PCDH9: variants seen among roughly 807,000 people sequenced by gnomAD.
PCDH9 encodes the protein protocadherin-9.
In PCDH9, 24 loss-of-function variants were observed where a neutral mutation model predicts 70.6. The ratio of observed to expected loss-of-function variants is 0.34; its 90% CI spans 0.25 to 0.48. The LOEUF (loss-of-function observed/expected upper bound fraction) is 0.48, where lower values mean the gene tolerates loss of function less well. Among genes scored for constraint, PCDH9 ranks in the 20% least tolerant of loss-of-function variants. PCDH9 has a pLI of 0.99. For missense variants in PCDH9, 1,281 were observed against 1,503.6 expected (o/e 0.85, Z 2.45); for synonymous variants, 562 against 558.5 (o/e 1.01, Z -0.09).
intron 3 of PCDH9, among the ~76,000 whole-genome samples, chr13:66,778,131 G>T (rs191466811): frequency 0.014 from 1,859 of 132,534 alleles, 56 homozygotes; most frequent in African/African-American, 0.05. Context: ...GGGGACTGTT[G>T]TGGGGTGGGG....
chr13:66,725,004 A>T (rs2181532), intron 3 of PCDH9, among the ~76,000 whole-genome samples: 19,765 of 152,196 alleles, frequency 0.13, 1,403 homozygotes, highest in African/African-American at 0.18. Context: ...TCTCTAGCCC[A>T]TAATTCTCTC....
intron 2 of PCDH9, among the ~76,000 whole-genome samples, chr13:67,014,992 A>G (rs1171702934): frequency 6.6e-6 from 1 of 152,120 alleles, no homozygotes; most frequent in Non-Finnish European, 1.5e-5. Flanking sequence ...TGTCAATTCC[A>G]AAGATCAATT....
chr13:67,071,637 TC>T (rs2085765089), intron 2 of PCDH9, among the ~76,000 whole-genome samples: 2 of 152,066 alleles, frequency 1.3e-5, no homozygotes, highest in Admixed American at 6.6e-5. Context: ...ATACCTGTAA[TC>T]CCAGCACTTT....
chr13:66,350,497 T>A (rs545685977), intron 4 of PCDH9, among the ~76,000 whole-genome samples: 11 of 152,268 alleles, frequency 7.2e-5, no homozygotes, highest in African/African-American at 2.6e-4. Flanking sequence ...TCTTCAGCCC[T>A]CTTGTCTTCT....
At chr13:66,446,301 A>G (rs1440636509) in intron 4 of PCDH9, among the ~76,000 whole-genome samples, 6 of 152,016 alleles carry the variant, frequency 3.9e-5, no homozygotes, top group Admixed American at 3.9e-4. Flanking sequence ...CTTATTTTAA[A>G]GGCAAAATCC....
intron 3 of PCDH9, among the ~76,000 whole-genome samples, chr13:66,843,426 A>C (rs1321904031): frequency 3.3e-5 from 5 of 152,158 alleles, no homozygotes; most frequent in African/African-American, 1.2e-4. Flanking sequence ...ACACAGTCTA[A>C]ACTTATTAAA....
chr13:66,601,530 C>G (rs188299528), intron 4 of PCDH9, among the ~76,000 whole-genome samples: 1 of 146,396 alleles, frequency 6.8e-6, no homozygotes. Context: ...TCAGGCCACA[C>G]ATCTATTGGA....
At chr13:67,216,693 T>TATATATATATATATATATGG (rs1555321542) in intron 2 of PCDH9, 1 of 141,098 alleles carries the variant, frequency 7.1e-6, no homozygotes, top group Non-Finnish European at 1.6e-5. Flanking sequence ...CATATATATA[T>TATATATATATATATATATGG]ATATATATAT....
intron 4 of PCDH9, among the ~76,000 whole-genome samples, chr13:66,548,232 T>A (rs1420389215): frequency 6.6e-6 from 1 of 152,098 alleles, no homozygotes; most frequent in Admixed American, 6.6e-5. Flanking sequence ...GTAAAAAATT[T>A]AAGTGCAAAT....
chr13:66,686,350 C>T (rs991216666), intron 3 of PCDH9, among the ~76,000 whole-genome samples: 7 of 152,176 alleles, frequency 4.6e-5, no homozygotes, highest in East Asian at 1.9e-4. Context: ...TGTTTGCTTC[C>T]CCTTCAGCCA....
rs1200965752 is a variant in PCDH9 at position 66,326,877 on chromosome 13, C to A, written c.3341-21849G>T. 7.3e-3 allele frequency among the ~76,000 whole-genome samples: 1,117 copies of A among 152,236 alleles called. 8 individuals are homozygous for A. Among genetic ancestry groups the A allele is most frequent in the African/African-American group, 0.025 (1,047 of 41,522 alleles). ...CATACAAAACAAAATGCCTCTTCTTCCCCACCCAACTTAAGCACAATGGCT... is the reference window on the plus strand; with the variant it reads ...CATACAAAACAAAATGCCTCTTCTTACCCACCCAACTTAAGCACAATGGCT... On this transcript the variant is annotated intron_variant, in intron 4 of 4. Transcript: ENST00000377865.
At chr13:66,655,856 C>T (rs192484233) in intron 3 of PCDH9, among the ~76,000 whole-genome samples, 60 of 152,066 alleles carry the variant, frequency 3.9e-4, no homozygotes, top group Middle Eastern at 3.4e-3. Context: ...CTTTATTTTC[C>T]GCTGTTCTAG....
At chr13:66,686,311 A>T (rs9571622) in intron 3 of PCDH9, among the ~76,000 whole-genome samples, 48,730 of 151,872 alleles carry the variant, frequency 0.32, 8,564 homozygotes, top group East Asian at 0.51. Context: ...CTTGGCACTT[A>T]TCTTTCCTGC....
intron 3 of PCDH9, among the ~76,000 whole-genome samples, chr13:66,666,326 A>C (rs1315606860): frequency 6.6e-6 from 1 of 152,214 alleles, no homozygotes; most frequent in African/African-American, 2.4e-5. Context: ...TGCCCGGGCC[A>C]GATGGCATTC....
At chr13:66,332,042 G>A (rs1352757326) in intron 4 of PCDH9, among the ~76,000 whole-genome samples, 1 of 152,160 alleles carries the variant, frequency 6.6e-6, no homozygotes, top group Non-Finnish European at 1.5e-5. Flanking sequence ...CAGTCAGGGA[G>A]ATGACAGCGA....
At chr13:67,087,261 A>T (rs1249660664) in intron 2 of PCDH9, among the ~76,000 whole-genome samples, 1 of 151,988 alleles carries the variant, frequency 6.6e-6, no homozygotes, top group Non-Finnish European at 1.5e-5. Flanking sequence ...CTGTTCCCTC[A>T]AGAAGACATG....
intron 2 of PCDH9, among the ~76,000 whole-genome samples, chr13:66,913,275 G>T (rs750431220): frequency 1.3e-5 from 2 of 151,902 alleles, no homozygotes; most frequent in Non-Finnish European, 2.9e-5. Context: ...AGAGAGAAAG[G>T]AGTGCATAAG....
At chr13:66,575,430 C>A (rs546365628) in intron 4 of PCDH9, among the ~76,000 whole-genome samples, 2 of 152,142 alleles carry the variant, frequency 1.3e-5, no homozygotes, top group South Asian at 4.2e-4. Flanking sequence ...CTAGTCCCAT[C>A]AGGATCTACT....
chr13:67,198,040 A>G (rs1276957869), intron 2 of PCDH9, among the ~76,000 whole-genome samples: 1 of 151,592 alleles, frequency 6.6e-6, no homozygotes, highest in Non-Finnish European at 1.5e-5. Context: ...ATATATATTT[A>G]CACTAAAAAT....
Sources: allele counts gnomAD v4.1 joint callset (sites outside exome capture counted in the v4.1 genomes callset), GRCh38; gene constraint gnomAD v4.1.1; transcripts MANE v1.5; gene names NCBI Gene and HGNC (gene_info 2026-07-23, HGNC 2026-07-21).